Variants in GNG4 observed in about 807,000 individuals in gnomAD.
GNG4 encodes the protein guanine nucleotide-binding protein G(I)/G(S)/G(O) subunit gamma-4.
In GNG4, 4 loss-of-function variants were observed where a neutral mutation model predicts 5.8. That is an observed-to-expected ratio of 0.69 (90% CI 0.34 to 1.57). The LOEUF is 1.57. Among genes scored for constraint, GNG4 ranks in the 40% most tolerant of loss-of-function variants. The pLI is 0.06. For synonymous variants in GNG4, 29 were observed against 32.9 expected (o/e 0.88, Z 0.41); for missense variants, 96 against 95.1 (o/e 1.01, Z -0.04).
At chr1:235,604,285 C>T (rs557184559) in intron 1 of GNG4, among the ~76,000 whole-genome samples, 1 of 152,258 alleles carries the variant, frequency 6.6e-6, no homozygotes, top group Non-Finnish European at 1.5e-5. Context: ...TATCGCAGCT[C>T]TACTGAAGTG....
At chr1:235,582,027 T>C (rs1211259254) in intron 3 of GNG4, among the ~76,000 whole-genome samples, 2 of 152,216 alleles carry the variant, frequency 1.3e-5, no homozygotes, top group Non-Finnish European at 2.9e-5. Context: ...CCATGGGGCT[T>C]GACAGCTGGA....
intron 2 of GNG4, among the ~76,000 whole-genome samples, chr1:235,588,377 G>A (rs1026169605): frequency 9.2e-5 from 14 of 152,154 alleles, no homozygotes; most frequent in African/African-American, 3.4e-4. Flanking sequence ...CGGGGGCTGT[G>A]CTCTCCGACC....
intron 1 of GNG4, among the ~76,000 whole-genome samples, chr1:235,639,770 G>A (rs1027765922): frequency 6.6e-6 from 1 of 152,212 alleles, no homozygotes; most frequent in African/African-American, 2.4e-5. Flanking sequence ...GTCTCCCAAA[G>A]TGCTGGGATA....
At chr1:235,579,096 C>CA (rs779380298) in intron 3 of GNG4, among the ~76,000 whole-genome samples, 4,132 of 71,164 alleles carry the variant, frequency 0.058, 223 homozygotes, top group African/African-American at 0.18. Flanking sequence ...GACTCCATCT[C>CA]AAAAAAAAAA....
chr1:235,643,600 T>C (rs536725641), intron 1 of GNG4, among the ~76,000 whole-genome samples: 1 of 152,312 alleles, frequency 6.6e-6, no homozygotes, highest in South Asian at 2.1e-4. Context: ...AAATGCAAGG[T>C]TCACATGCAG....
chr1:235,612,011 C>A (rs898876978), intron 1 of GNG4, among the ~76,000 whole-genome samples: 1 of 123,226 alleles, frequency 8.1e-6, no homozygotes, highest in African/African-American at 3.1e-5. Context: ...TTACAATGAG[C>A]TGAGATTGTG....
At chr1:235,575,803 A>T (rs967528615) in intron 3 of GNG4, among the ~76,000 whole-genome samples, 1 of 152,202 alleles carries the variant, frequency 6.6e-6, no homozygotes, top group African/African-American at 2.4e-5. Flanking sequence ...GGGCAGGAGA[A>T]TCAGGGCACC....
At chr1:235,620,642 TCTC>T (rs1688690416) in intron 1 of GNG4, among the ~76,000 whole-genome samples, 1 of 152,058 alleles carries the variant, frequency 6.6e-6, no homozygotes, top group Non-Finnish European at 1.5e-5. Context: ...TTCATGCCAT[TCTC>T]CTGCCTCAGC....
intron 1 of GNG4, among the ~76,000 whole-genome samples, chr1:235,618,611 T>C (rs187884433): frequency 3.3e-5 from 5 of 152,230 alleles, no homozygotes; most frequent in Admixed American, 2.6e-4. Context: ...GTGTGCATGA[T>C]TCACAAGAGT....
chr1:235,588,557 T>C (rs948306293), intron 2 of GNG4, among the ~76,000 whole-genome samples: 2 of 151,742 alleles, frequency 1.3e-5, no homozygotes, highest in African/African-American at 2.4e-5. Flanking sequence ...TCCTCCCCTC[T>C]CCACACTCAC....
At chr1:235,558,404 C>G (rs139361327) in intron 3 of GNG4, among the ~76,000 whole-genome samples, 1 of 152,316 alleles carries the variant, frequency 6.6e-6, no homozygotes, top group African/African-American at 2.4e-5. Flanking sequence ...TCTTGGGTAA[C>G]CCCTGAAGTT....
chr1:235,630,371 T>G (rs1424436406), intron 1 of GNG4, among the ~76,000 whole-genome samples: 1 of 152,240 alleles, frequency 6.6e-6, no homozygotes. Context: ...GAATGTTTGC[T>G]GCTGAAAACA....
chr1:235,587,778 G>T (rs113955268), intron 2 of GNG4, among the ~76,000 whole-genome samples: 54,708 of 140,360 alleles, frequency 0.39, 11,879 homozygotes, highest in East Asian at 0.78. Flanking sequence ...TGTGGGGTGG[G>T]GGTGTGTGTG....
At position 235,649,480 on chromosome 1, in the gene GNG4, C is replaced by G. The variant is rs1033671965; in HGVS notation, c.-123+182G>C. On this transcript the variant is annotated intron_variant, in intron 1 of 3. Transcript: ENST00000391854. This position sits in a 1 kb window ranked among gnomAD's most constrained non-coding sequence, Gnocchi z 5.7. Reference sequence around the variant, plus strand: ...GGCGGGAGGTCCCGGGAGAGGAGGCCGAGGGAACCACAGGTCTTTGTGTCG... The same window carrying G: ...GGCGGGAGGTCCCGGGAGAGGAGGCGGAGGGAACCACAGGTCTTTGTGTCG... Among the ~76,000 whole-genome samples the G allele has an allele frequency of 2.1e-4, 32 of 152,170 alleles. No homozygotes were observed. Among genetic ancestry groups the G allele is most frequent in the African/African-American group, 7.5e-4 (31 of 41,538 alleles).
chr1:235,636,155 G>A (rs1370649028), intron 1 of GNG4, among the ~76,000 whole-genome samples: 1 of 152,196 alleles, frequency 6.6e-6, no homozygotes, highest in Non-Finnish European at 1.5e-5. Flanking sequence ...ACAGGGCTGG[G>A]CTGTTTTCAC....
intron 3 of GNG4, among the ~76,000 whole-genome samples, chr1:235,568,755 A>G (rs1045323609): frequency 6.7e-6 from 1 of 149,542 alleles, no homozygotes; most frequent in African/African-American, 2.5e-5. Context: ...TCCTTCCTTC[A>G]TCAAATGACA....
intron 2 of GNG4, among the ~76,000 whole-genome samples, chr1:235,590,934 G>C (rs539021947): frequency 6.6e-6 from 1 of 152,290 alleles, no homozygotes; most frequent in South Asian, 2.1e-4. Context: ...ACGTGCATAT[G>C]AATCACCTGA....
At chr1:235,605,493 T>C (rs1688339973) in intron 1 of GNG4, among the ~76,000 whole-genome samples, 1 of 152,154 alleles carries the variant, frequency 6.6e-6, no homozygotes, top group Admixed American at 6.5e-5. Flanking sequence ...CTGCCTTCTA[T>C]TTATGTGGAG....
intron 3 of GNG4, among the ~76,000 whole-genome samples, chr1:235,556,646 G>A (rs1268438962): frequency 6.6e-6 from 1 of 152,010 alleles, no homozygotes; most frequent in African/African-American, 2.4e-5. Flanking sequence ...CGGCACGAGG[G>A]AGTGGTTTCG....
Sources: gnomAD v4.1 joint callset for allele counts (sites outside exome capture counted in the v4.1 genomes callset) on GRCh38, gnomAD v4.1.1 for gene constraint, Gnocchi (gnomAD v3.1) non-coding constraint, MANE v1.5 for transcripts, NCBI Gene and HGNC (gene_info 2026-07-23, HGNC 2026-07-21) for gene names.